RBFOX1: variants seen among roughly 807,000 people sequenced by gnomAD.
RBFOX1 encodes RNA binding fox-1 homolog 1.
A neutral mutation model predicts 57.7 loss-of-function variants in RBFOX1; 8 were observed. The ratio of observed to expected loss-of-function variants is 0.14; its 90% CI spans 0.08 to 0.25. The LOEUF (loss-of-function observed/expected upper bound fraction) is 0.25. Among genes scored for constraint, RBFOX1 ranks in the 10% least tolerant of loss-of-function variants. RBFOX1 has a pLI of 1.00. For missense variants in RBFOX1, 611 were observed against 548.5 expected, an observed-to-expected ratio of 1.11 and a Z score of -1.14; for synonymous variants, 326 against 222.4, an observed-to-expected ratio of 1.47 and a Z score of -4.15.
chr16:7,564,324 G>A (rs995703357), intron 5 of RBFOX1, among the ~76,000 whole-genome samples: 1 of 151,372 alleles, frequency 6.6e-6, no homozygotes, highest in Non-Finnish European at 1.5e-5. Context: ...TAGATCGCGA[G>A]GTCAGGAGTT....
chr16:5,715,921 C>T (rs2051681378), intron 3 of RBFOX1, among the ~76,000 whole-genome samples: 2 of 152,204 alleles, frequency 1.3e-5, no homozygotes, highest in African/African-American at 4.8e-5. Context: ...ACTTAATAAT[C>T]ATCACAGCAT....
At chr16:7,697,828 G>C (rs545167001) in intron 14 of RBFOX1, among the ~76,000 whole-genome samples, 4 of 152,108 alleles carry the variant, frequency 2.6e-5, no homozygotes, top group Non-Finnish European at 4.4e-5. Flanking sequence ...ATTTTGAGTC[G>C]GATGACAAAG....
intron 1 of RBFOX1, among the ~76,000 whole-genome samples, chr16:6,063,171 C>T (rs960572836): frequency 6.6e-6 from 1 of 152,044 alleles, no homozygotes; most frequent in Admixed American, 6.6e-5. Context: ...ATCCCAGCAT[C>T]CTTTATCATC....
chr16:5,369,103 G>T (rs2065797210), intron 1 of RBFOX1, among the ~76,000 whole-genome samples: 1 of 152,170 alleles, frequency 6.6e-6, no homozygotes, highest in Non-Finnish European at 1.5e-5. Context: ...CTGGGTTCAA[G>T]CAGTTCTCCT....
intron 3 of RBFOX1, among the ~76,000 whole-genome samples, chr16:6,989,140 C>T (rs1430352846): frequency 3.9e-5 from 6 of 152,096 alleles, no homozygotes; most frequent in Admixed American, 1.3e-4. Context: ...AAGTGATCTG[C>T]CCGCCTCAGC....
chr16:6,242,428 T>C (rs1003714284), intron 1 of RBFOX1, among the ~76,000 whole-genome samples: 1 of 151,932 alleles, frequency 6.6e-6, no homozygotes, highest in African/African-American at 2.4e-5. Flanking sequence ...AGGATCTCAC[T>C]ATGTTGCCCA....
intron 3 of RBFOX1, among the ~76,000 whole-genome samples, chr16:6,859,487 A>C (rs117615014): frequency 0.012 from 1,782 of 152,058 alleles, 20 homozygotes; most frequent in Non-Finnish European, 0.019. Context: ...CTCTTGTTCA[A>C]GTCTACTGCC....
intron 3 of RBFOX1, among the ~76,000 whole-genome samples, chr16:6,770,326 G>A (rs182425009): frequency 8.0e-4 from 122 of 152,222 alleles, no homozygotes; most frequent in Middle Eastern, 3.4e-3. Flanking sequence ...ATCAAATAAT[G>A]TATTTAATGC....
intron 4 of RBFOX1, among the ~76,000 whole-genome samples, chr16:7,118,155 A>T (rs1172139771): frequency 6.6e-6 from 1 of 152,118 alleles, no homozygotes; most frequent in Non-Finnish European, 1.5e-5. Context: ...AAATCTGCAT[A>T]CTGTTGCATA....
At chr16:5,337,582 A>C (rs1053686042) in intron 1 of RBFOX1, among the ~76,000 whole-genome samples, 3 of 152,202 alleles carry the variant, frequency 2.0e-5, no homozygotes, top group African/African-American at 7.2e-5. Context: ...AATGCTCATA[A>C]ATGTTTTTAA....
intron 2 of RBFOX1, among the ~76,000 whole-genome samples, chr16:5,467,559 A>G (rs1048244929): frequency 5.3e-5 from 8 of 152,300 alleles, no homozygotes; most frequent in East Asian, 1.9e-4. Flanking sequence ...GTGCTTGCCT[A>G]TATTTCATCA....
intron 4 of RBFOX1, among the ~76,000 whole-genome samples, chr16:7,068,595 T>A (rs1288900466): frequency 6.6e-6 from 1 of 152,046 alleles, no homozygotes; most frequent in Non-Finnish European, 1.5e-5. Flanking sequence ...TATTATTATT[T>A]ATTATTTTGA....
intron 14 of RBFOX1, among the ~76,000 whole-genome samples, chr16:7,684,584 A>G (rs1254222579): frequency 6.6e-6 from 1 of 151,590 alleles, no homozygotes; most frequent in Non-Finnish European, 1.5e-5. Flanking sequence ...GATAAGCTAA[A>G]TCAGTGGTTC....
At chr16:6,145,034 C>T (rs1567555230) in intron 1 of RBFOX1, among the ~76,000 whole-genome samples, 1 of 148,402 alleles carries the variant, frequency 6.7e-6, no homozygotes, top group East Asian at 2.0e-4. Context: ...CATAGTATCT[C>T]TTTTTTTTTT....
chr16:6,392,618 C>G (rs1010129801), intron 2 of RBFOX1, among the ~76,000 whole-genome samples: 4 of 152,198 alleles, frequency 2.6e-5, no homozygotes, highest in Non-Finnish European at 5.9e-5. Flanking sequence ...CCTCCGCACA[C>G]TGAGGAACCT....
chr16:7,690,847 A>T (rs922648306), intron 14 of RBFOX1, among the ~76,000 whole-genome samples: 5 of 152,234 alleles, frequency 3.3e-5, no homozygotes, highest in Non-Finnish European at 7.4e-5. Flanking sequence ...AAATGGCATA[A>T]CATGGTGAAT....
chr16:7,430,536 C>G (rs894350278), intron 4 of RBFOX1, among the ~76,000 whole-genome samples: 1 of 152,040 alleles, frequency 6.6e-6, no homozygotes, highest in African/African-American at 2.4e-5. Flanking sequence ...GTGGCACGTG[C>G]CTGTAGTCCC....
At chr16:5,725,797 A>C (rs972843) in intron 3 of RBFOX1, among the ~76,000 whole-genome samples, 35,541 of 151,356 alleles carry the variant, frequency 0.23, 5,460 homozygotes, top group East Asian at 0.66. Flanking sequence ...CCCTCTCCCC[A>C]CTCAGGGCTG....
At chr16:7,379,491 T>C (rs2097749596) in intron 4 of RBFOX1, among the ~76,000 whole-genome samples, 1 of 152,196 alleles carries the variant, frequency 6.6e-6, no homozygotes, top group Admixed American at 6.5e-5. Flanking sequence ...ATTATGACTG[T>C]GGATAATTTA....
Sources: gnomAD v4.1 joint callset for allele counts (sites outside exome capture counted in the v4.1 genomes callset) on GRCh38, gnomAD v4.1.1 for gene constraint, MANE v1.5 for transcripts, NCBI Gene and HGNC (gene_info 2026-07-23, HGNC 2026-07-21) for gene names.